The following DHX9 variants were observed in gnomAD, a reference collection of about 807,000 sequenced individuals.
The protein encoded by DHX9 is ATP-dependent RNA helicase A.
Under a neutral mutation model 148.7 loss-of-function variants are expected in DHX9, and 27 were observed. The observed-to-expected ratio is 0.18, with a 90% CI of 0.13 to 0.25. The LOEUF (loss-of-function observed/expected upper bound fraction) is 0.25, where lower values mean the gene tolerates loss of function less well. Ranked by LOEUF, DHX9 falls within the 10% of genes least tolerant of loss-of-function variation. DHX9 has a pLI of 1.00. For synonymous variants in DHX9, 529 were observed against 516.6 expected, an observed-to-expected ratio of 1.02 and a Z score of -0.33; for missense variants, 796 against 1,559.6, an observed-to-expected ratio of 0.51 and a Z score of 8.25.
In DHX9 at chr1:182,884,227, C is replaced by T. The variant is rs549723486; in HGVS notation, c.3261-386C>T. ...AGTTGGAGGTTGCAATGAGCTATCA[C>T]GCCACTGCACTCCAGCGAGGGCAAC... is the stretch of plus-strand genomic sequence containing the variant. On this transcript the variant is annotated intron_variant, in intron 26 of 27. Transcript: ENST00000367549. Among the ~76,000 whole-genome samples the T allele has an allele frequency of 5.9e-5, 9 of 152,090 alleles. No individual in the cohort carries two copies. The South Asian group carries it at 1.2e-3, about 21-fold the overall frequency.
intron 21 of DHX9, among the ~76,000 whole-genome samples, chr1:182,879,614 G>A (rs1205278348): frequency 6.6e-6 from 1 of 152,182 alleles, no homozygotes; most frequent in African/African-American, 2.4e-5. Context: ...AAGGGACAAT[G>A]TGAGTCTTTA....
chr1:182,863,981 TG>T (rs1203119466), intron 12 of DHX9, among the ~76,000 whole-genome samples: 1 of 152,168 alleles, frequency 6.6e-6, no homozygotes, highest in Non-Finnish European at 1.5e-5. Flanking sequence ...AAGACCAGCC[TG>T]GGCAACATGG....
intron 1 of DHX9, 33 bp from the exon 2 acceptor site, chr1:182,842,512 A>G: frequency 7.5e-7 from 1 of 1,329,276 alleles, no homozygotes; most frequent in Non-Finnish European, 1.1e-6. Flanking sequence ...TGCTATTATA[A>G]ATGCTGTTTT....
intron 16 of DHX9, 76 bp downstream of exon 16, chr1:182,875,030 G>T: frequency 8.9e-7 from 1 of 1,127,928 alleles, no homozygotes. Flanking sequence ...AATGTAACAT[G>T]CAATGTATTA....
At chr1:182,876,954 C>T (rs375510342) in intron 19 of DHX9, 51 bp downstream of exon 19, 19 of 1,326,126 alleles carry the variant, frequency 1.4e-5, no homozygotes, top group Non-Finnish European at 1.9e-5. Flanking sequence ...TAACTGGAAA[C>T]TTCTTACCAG....
At chr1:182,881,902 CTTTAA>C (rs1448850260) in intron 24 of DHX9, among the ~76,000 whole-genome samples, 5 of 152,116 alleles carry the variant, frequency 3.3e-5, no homozygotes, top group Admixed American at 6.5e-5. Flanking sequence ...TTTTAAATGA[CTTTAA>C]TTTATACTTT....
At chr1:182,853,968 C>T (rs1438674850) in intron 5 of DHX9, 62 bp from the exon 6 acceptor site, 3 of 1,501,996 alleles carry the variant, frequency 2.0e-6, no homozygotes, top group Non-Finnish European at 9.1e-7. Flanking sequence ...TTAAAAATTT[C>T]TGTGCCTTGT....
chr1:182,846,721 G>T (rs1668036769), intron 3 of DHX9, among the ~76,000 whole-genome samples: 1 of 152,118 alleles, frequency 6.6e-6, no homozygotes, highest in South Asian at 2.1e-4. Flanking sequence ...TTGTATGTGT[G>T]TGTTCTAACT....
intron 3 of DHX9, among the ~76,000 whole-genome samples, chr1:182,844,471 G>A (rs534887016): frequency 5.1e-4 from 78 of 152,310 alleles, no homozygotes; most frequent in African/African-American, 1.8e-3. Context: ...CTCTTCCCCA[G>A]TAGCTGGGAC....
chr1:182,876,600 T>TA (rs1006064173), intron 18 of DHX9, 59 bp downstream of exon 18: 1 of 1,484,858 alleles, frequency 6.7e-7, no homozygotes, highest in Non-Finnish European at 9.3e-7. Flanking sequence ...AAACAAATGT[T>TA]ACAGGCTTTC....
At chr1:182,848,560 C>G (rs941317094) in intron 3 of DHX9, among the ~76,000 whole-genome samples, 1 of 152,060 alleles carries the variant, frequency 6.6e-6, no homozygotes, top group African/African-American at 2.4e-5. Context: ...TGGTCTATAG[C>G]AGATACTTAA....
intron 1 of DHX9, chr1:182,839,991 G>T (rs886871403): frequency 1.3e-5 from 2 of 152,412 alleles, no homozygotes; most frequent in Non-Finnish European, 2.9e-5. Context: ...CAACGCGAAG[G>T]AAAAGCAGAG....
intron 3 of DHX9, among the ~76,000 whole-genome samples, chr1:182,844,849 GAC>G (rs1667999266): frequency 2.0e-5 from 3 of 151,796 alleles, no homozygotes; most frequent in Non-Finnish European, 2.9e-5. Context: ...TTTTAGTAGA[GAC>G]AGATTTTCAC....
intron 12 of DHX9, among the ~76,000 whole-genome samples, chr1:182,862,221 GA>G (rs1373230830): frequency 6.6e-6 from 1 of 152,106 alleles, no homozygotes; most frequent in Non-Finnish European, 1.5e-5. Flanking sequence ...TTATGTTCCT[GA>G]TTTTAAGTGT....
At chr1:182,852,494 C>T (rs2102595490) in intron 4 of DHX9, 150 bp downstream of exon 4, 1 of 527,600 alleles carries the variant, frequency 1.9e-6, no homozygotes, top group Non-Finnish European at 3.3e-6. Context: ...GCACATATTA[C>T]CAGATCATTT....
chr1:182,865,688 T>C (rs1378980446), intron 12 of DHX9, among the ~76,000 whole-genome samples: 1 of 152,180 alleles, frequency 6.6e-6, no homozygotes, highest in Admixed American at 6.5e-5. Context: ...CATCAGGAAC[T>C]TATAGACAGA....
intron 27 of DHX9, among the ~76,000 whole-genome samples, chr1:182,886,559 A>G (rs1011293135): frequency 6.6e-6 from 1 of 152,206 alleles, no homozygotes; most frequent in Non-Finnish European, 1.5e-5. Flanking sequence ...AAAGCTGCAC[A>G]GGAATAATAA....
Position 182,858,190 on chromosome 1 carries a change from G to A in DHX9, c.760G>A (p.Gly254Arg). ...LSLVRQLYHLGVVEAYSGLTK... is the reference protein window; with the variant it reads ...LSLVRQLYHLRVVEAYSGLTK... ...ACTTGTCAGACAACTGTACCATCTT[G>A]GAGTGGTTGAAGCTTACTCCGGACT... The change falls in exon 8 of 28, where the codon GGA becomes AGA. Residue 254 changes from glycine (G) to arginine (R), a missense_variant. Around this residue, in one of 14 missense-constraint regions of DHX9, gnomAD observed 46 missense variants for 136.3 expected, o/e 0.34. Transcript: ENST00000367549. 2 of 1,614,166 alleles carry A rather than the reference G, an allele frequency of 1.2e-6. No individual in the cohort carries two copies. The highest frequency in any genetic ancestry group is 1.7e-6 in the Non-Finnish European group (2 of 1,180,016).
In DHX9 at chr1:182,887,250, ATGG is replaced by A; in HGVS notation, c.3632_3634del (p.Gly1211del). ...AGCGCCAACTCCTTTCGGGCAGGATATGGTGCAGGTGTTGGTGGAGGCTATAGA... is the reference window on the plus strand; with the variant it reads ...AGCGCCAACTCCTTTCGGGCAGGATATGCAGGTGTTGGTGGAGGCTATAGA... On this transcript the variant is annotated inframe_deletion, in exon 28 of 28. Transcript: ENST00000367549. 6.2e-7 allele frequency: 1 copy of A among 1,614,092 alleles called. No homozygotes were observed.
Sources: gnomAD v4.1 joint callset for allele counts (sites outside exome capture counted in the v4.1 genomes callset) on GRCh38, gnomAD v4.1.1 for gene constraint, gnomAD v4.1.1 regional missense constraint, MANE v1.5 for transcripts, NCBI Gene and HGNC (gene_info 2026-07-23, HGNC 2026-07-21) for gene names.